The following ZNF595 variants were observed in gnomAD, a reference collection of about 807,000 sequenced individuals.
The protein encoded by ZNF595 is zinc finger protein 595.
ZNF595 carries 9 observed loss-of-function variants against 19.4 expected under a neutral mutation model. The ratio of observed to expected loss-of-function variants is 0.46; its 90% CI spans 0.28 to 0.81. The LOEUF is 0.81. Among genes scored for constraint, ZNF595 ranks in the 30% least tolerant of loss-of-function variants. The pLI, the probability that ZNF595 is intolerant of heterozygous loss-of-function variation, is 0.11. For missense variants in ZNF595, 729 were observed against 736.0 expected (o/e 0.99, Z 0.11); for synonymous variants, 255 against 255.9 (o/e 1.00, Z 0.03).
intron 3 of ZNF595, among the ~76,000 whole-genome samples, chr4:69,947 A>G (rs180885927): frequency 6.6e-6 from 1 of 152,328 alleles, no homozygotes; most frequent in Admixed American, 6.5e-5. Flanking sequence ...ACAGATGAAT[A>G]AAGTACACTG....
chr4:66,161 AC>A (rs1320688135), intron 3 of ZNF595, among the ~76,000 whole-genome samples: 8 of 148,596 alleles, frequency 5.4e-5, no homozygotes, highest in Non-Finnish European at 1.2e-4. Flanking sequence ...TACATTGTTG[AC>A]AATATATATT....
chr4:73,587 G>A (rs1254086119), intron 3 of ZNF595, among the ~76,000 whole-genome samples: 8 of 152,054 alleles, frequency 5.3e-5, no homozygotes, highest in Admixed American at 2.6e-4. Flanking sequence ...TTTTTGATAG[G>A]GCACAAAGGA....
At chr4:54,951 G>C (rs1581309587) in intron 1 of ZNF595, among the ~76,000 whole-genome samples, 6 of 152,206 alleles carry the variant, frequency 3.9e-5, no homozygotes, top group African/African-American at 1.4e-4. Flanking sequence ...GCGTGATCTC[G>C]GCTTACTGCA....
chr4:85,840 A>G lies in ZNF595; in HGVS notation c.336A>G (p.Gln112=). Residue 112 remains glutamine (Q), a synonymous_variant, in exon 4 of 4, where the codon CAA becomes CAG. Transcript: ENST00000610261. ...RYEKCGHENL[Q]LRKGCKRVNE... ...AGAAATGTGGACATGAGAATTTACA[A>G]TTAAGAAAAGGCTGTAAACGTGTGA... The G allele has an allele frequency of 7.4e-6, 12 of 1,614,060 alleles. No individual in the cohort carries two copies. The highest frequency in any genetic ancestry group is 1.3e-5 in the African/African-American group (1 of 75,050).
intron 3 of ZNF595, among the ~76,000 whole-genome samples, chr4:79,675 G>GTTTTTTTT (rs202205324): frequency 9.4e-5 from 12 of 127,502 alleles, no homozygotes; most frequent in East Asian, 4.6e-4. Context: ...CAGCTTTGTT[G>GTTTTTTTT]TTTTTTTTTT....
intron 3 of ZNF595, among the ~76,000 whole-genome samples, chr4:82,372 GTTTTTTTTTT>G (rs34932652): frequency 1.0e-4 from 9 of 85,922 alleles, no homozygotes; most frequent in East Asian, 3.4e-4. Flanking sequence ...TTGGTTTGTG[GTTTTTTTTTT>G]TTTTTTTTTT....
At chr4:81,821 A>G (rs1437632229) in intron 3 of ZNF595, among the ~76,000 whole-genome samples, 1 of 152,180 alleles carries the variant, frequency 6.6e-6, no homozygotes, top group Non-Finnish European at 1.5e-5. Flanking sequence ...ATGTTGCACA[A>G]TGTCATCAAG....
intron 3 of ZNF595, among the ~76,000 whole-genome samples, chr4:80,024 T>C (rs1447526026): frequency 2.6e-5 from 4 of 152,178 alleles, no homozygotes; most frequent in African/African-American, 4.8e-5. Context: ...AAATTGAATA[T>C]GTCTTTTTTT....
At chr4:68,816 A>G (rs1581338644) in intron 3 of ZNF595, among the ~76,000 whole-genome samples, 17 of 152,284 alleles carry the variant, frequency 1.1e-4, no homozygotes, top group Admixed American at 6.5e-4. Flanking sequence ...GCTTTTGACT[A>G]TAGTCACTCT....
In ZNF595 at chr4:86,437, C is replaced by T. The variant is rs781985989; in HGVS notation, c.933C>T (p.Pro311=). The T allele has an allele frequency of 1.2e-6, 2 of 1,613,954 alleles. No individual in the cohort carries two copies. Among genetic ancestry groups the T allele is most frequent in the South Asian group, 1.1e-5 (1 of 91,064 alleles). Residue 311 remains proline, a synonymous_variant, in exon 4 of 4, where the codon CCC becomes CCT. Transcript: ENST00000610261. ...AGAATATTCATACTGGAGAGAAACC[C>T]TACAAATGTAAAGAATGTGGCAAAG... The part of the protein sequence containing the change: ...EHKNIHTGEK[P]YKCKECGKAF...
rs782592988 is a variant in ZNF595, at chr4:87,089, A to G, written c.1585A>G (p.Ile529Val). ...CTCAGGCCTTATTATACACAGGAGC[A>G]TTCATTCTGAACAAAAACTTTACAA... is the stretch of plus-strand genomic sequence containing the variant. ...QSSGLIIHRSIHSEQKLYKCE... is the reference protein window; with the variant it reads ...QSSGLIIHRSVHSEQKLYKCE... The change falls in exon 4 of 4, where the codon ATT becomes GTT. Residue 529 changes from isoleucine to valine, a missense_variant. By Grantham distance (29) the Ile-to-Val change is conservative. Around this residue, in one of 2 missense-constraint regions of ZNF595, gnomAD observed 729 missense variants for 675.3 expected, o/e 1.08. Transcript: ENST00000610261. The G allele has an allele frequency of 6.2e-6, 10 of 1,614,034 alleles. No individual in the cohort carries two copies. The Admixed American group carries it at 6.7e-5, about 11-fold the overall frequency.
chr4:86,897 A>G lies in ZNF595; in HGVS notation c.1393A>G (p.Thr465Ala). 6.2e-7 allele frequency: 1 copy of G among 1,611,078 alleles called. No individual in the cohort carries two copies. Among genetic ancestry groups the G allele is most frequent in the Non-Finnish European group, 8.5e-7 (1 of 1,178,376 alleles). Residue 465 changes from threonine (T) to alanine (A), a missense_variant, in exon 4 of 4, where the codon ACA becomes GCA. Transcript: ENST00000610261. ...EECGKAFTRS[T>A]TLNEHKKIHT... The stretch of plus-strand genomic sequence containing the variant: ...ATGTGGCAAAGCCTTTACACGGTCC[A>G]CAACACTGAACGAACATAAGAAAAT...
intron 1 of ZNF595, among the ~76,000 whole-genome samples, chr4:57,946 T>A (rs1712693767): frequency 6.6e-6 from 1 of 152,312 alleles, no homozygotes; most frequent in Non-Finnish European, 1.5e-5. Context: ...GAATCAAATT[T>A]CTTTTGGGCA....
In ZNF595 at chr4:85,774, G is replaced by T. The variant is rs782539751; in HGVS notation, c.270G>T (p.Gly90=). 4.3e-6 allele frequency: 7 copies of T among 1,611,636 alleles called. No homozygotes were observed. The highest frequency in any genetic ancestry group is 3.4e-6 in the Non-Finnish European group (4 of 1,178,334). ...PFSQDLSPVQ[G]IEDSFHKLIL... is the part of the protein sequence containing the mutation. ...GCCAAGACCTTTCACCAGTGCAGGGGATAGAAGATTCATTCCACAAACTTA... is the reference window on the plus strand; with the variant it reads ...GCCAAGACCTTTCACCAGTGCAGGGTATAGAAGATTCATTCCACAAACTTA... Residue 90 remains glycine (G), a synonymous_variant, in exon 4 of 4, where the codon GGG becomes GGT. Coordinates refer to ENST00000610261, the MANE Select transcript of ZNF595 (RefSeq NM_182524.4).
At chr4:78,448 C>T (rs961061119) in intron 3 of ZNF595, among the ~76,000 whole-genome samples, 31 of 152,250 alleles carry the variant, frequency 2.0e-4, no homozygotes, top group African/African-American at 7.2e-4. Context: ...ATTTCTATTG[C>T]CTATAAAAGT....
In ZNF595 at chr4:86,485, G is replaced by C; in HGVS notation, c.981G>C (p.Leu327=). The change falls in exon 4 of 4, where the codon CTG becomes CTC. Residue 327 remains leucine (L), a synonymous_variant. Coordinates refer to ENST00000610261, the MANE Select transcript of ZNF595 (RefSeq NM_182524.4). ...CGKAFRQSRS[L]NEHKNIHTGE... The stretch of plus-strand genomic sequence containing the variant: ...AAGCCTTTAGACAGTCCAGGAGCCT[G>C]AATGAACATAAAAATATTCATACTG... 1 of 1,613,152 alleles carries C rather than the reference G, an allele frequency of 6.2e-7. No homozygotes were observed. Among genetic ancestry groups the C allele is most frequent in the Non-Finnish European group, 8.5e-7 (1 of 1,179,804 alleles).
intron 3 of ZNF595, among the ~76,000 whole-genome samples, chr4:84,046 TTAAAA>T (rs1383707506): frequency 1.3e-5 from 2 of 152,182 alleles, no homozygotes; most frequent in African/African-American, 4.8e-5. Flanking sequence ...ATAAAATTTC[TTAAAA>T]TAATACATTT....
At position 86,939 on chromosome 4, in the gene ZNF595, C is replaced by T. The variant is rs1714225882; in HGVS notation, c.1435C>T (p.Pro479Ser). Residue 479 changes from proline (P) to serine (S), a missense_variant, in exon 4 of 4, where the codon CCC (proline) becomes TCC (serine). Transcript: ENST00000610261. Reference protein sequence around the residue: ...EHKKIHTGEKPYKCEECGKAF... With the variant: ...EHKKIHTGEKSYKCEECGKAF... ...TAAGAAAATTCATACTGGCGAGAAA[C>T]CCTACAAATGTGAAGAATGTGGCAA... 1.2e-6 allele frequency: 2 copies of T among 1,610,970 alleles called. No homozygotes were observed. Among genetic ancestry groups the T allele is most frequent in the Non-Finnish European group, 1.7e-6 (2 of 1,178,230 alleles).
chr4:87,028 C>T lies in ZNF595; in HGVS notation c.1524C>T (p.Tyr508=). Residue 508 remains tyrosine (Y), a synonymous_variant, in exon 4 of 4, where the codon TAC becomes TAT. Coordinates refer to ENST00000610261, the MANE Select transcript of ZNF595 (RefSeq NM_182524.4). The stretch of plus-strand genomic sequence containing the variant: ...ATATTCATACTGGAGAGAAACCCTA[C>T]AAATGTAAAGAATGTGGCAAAGCTT... ...HKNIHTGEKP[Y]KCKECGKAFN... is the part of the protein sequence containing the mutation. 1 of 1,613,994 alleles carries T rather than the reference C, an allele frequency of 6.2e-7. No homozygotes were observed. Among genetic ancestry groups the T allele is most frequent in the South Asian group, 1.1e-5 (1 of 91,072 alleles).
Sources: allele counts gnomAD v4.1 joint callset (sites outside exome capture counted in the v4.1 genomes callset), GRCh38; gene constraint gnomAD v4.1.1; regional missense constraint gnomAD v4.1.1; transcripts MANE v1.5; gene names NCBI Gene and HGNC (gene_info 2026-07-23, HGNC 2026-07-21).